The following USP47 variants were observed in gnomAD, a reference collection of about 807,000 sequenced individuals.
USP47 encodes ubiquitin carboxyl-terminal hydrolase 47.
USP47 carries 35 observed loss-of-function variants against 165.1 expected under a neutral mutation model. The observed-to-expected ratio is 0.21, with a 90% confidence interval of 0.16 to 0.28. The LOEUF is 0.28. Ranked by LOEUF, USP47 falls within the 10% of genes least tolerant of loss-of-function variation. USP47 has a pLI of 1.00. For synonymous variants in USP47, 531 were observed against 544.5 expected, an observed-to-expected ratio of 0.98 and a Z score of 0.35; for missense variants, 1,277 against 1,607.4, an observed-to-expected ratio of 0.79 and a Z score of 3.52.
At position 11,903,255 on chromosome 11, in the gene USP47, TAAAAC is replaced by T. The variant is rs1247399115; in HGVS notation, c.740-6_740-2del. The T allele has an allele frequency of 6.2e-7, 1 of 1,606,576 alleles. No individual in the cohort carries two copies. The highest frequency in any genetic ancestry group is 1.3e-5 in the African/African-American group (1 of 74,740). ...AGCTATTTCTAATTGAATTTTATCT[TAAAAC>T]AGCTTGGCAGCAGCATGATGTACAA... On this transcript the variant is annotated splice_region_variant and splice_polypyrimidine_tract_variant and intron_variant, in intron 6 of 27. Coordinates refer to ENST00000527733, the MANE Select transcript of USP47 (RefSeq NM_001282659.2).
chr11:11,948,473 T>C lies in USP47; in HGVS notation c.3268-5T>C, dbSNP rs896874337. On this transcript the variant is annotated splice_polypyrimidine_tract_variant and splice_region_variant and intron_variant, in intron 21 of 27. Coordinates refer to ENST00000527733, the MANE Select transcript of USP47 (RefSeq NM_001282659.2). The stretch of plus-strand genomic sequence containing the variant: ...CATGTCTAAAAAAATGTTTTTAACT[T>C]ATAGATTACAATTAGACTGGGGAGA... 145 of 1,608,696 alleles carry C rather than the reference T, an allele frequency of 9.0e-5. No individual in the cohort carries two copies. Among genetic ancestry groups the C allele is most frequent in the Non-Finnish European group, 1.1e-4 (132 of 1,175,750 alleles).
chr11:11,868,298 C>T (rs1180404990), intron 1 of USP47, among the ~76,000 whole-genome samples: 3 of 152,218 alleles, frequency 2.0e-5, no homozygotes, highest in Non-Finnish European at 4.4e-5. Flanking sequence ...CTTTCACTCC[C>T]TATTCCCTCT....
Position 11,961,208 on chromosome 11 carries a change from A to G in USP47, c.*5033A>G, listed in dbSNP as rs1474979044. ...TGTGATTATTTACCTGACAGGGCAA[A>G]AGAGATTTTGCAGATGCAATTAAGG... On this transcript the variant is annotated 3_prime_UTR_variant, in exon 28 of 28. Coordinates refer to ENST00000527733, the MANE Select transcript of USP47 (RefSeq NM_001282659.2). Among the ~76,000 whole-genome samples, 1 of 152,144 alleles carries G rather than the reference A, an allele frequency of 6.6e-6. No homozygotes were observed. Among genetic ancestry groups the G allele is most frequent in the Non-Finnish European group, 1.5e-5 (1 of 68,030 alleles).
At chr11:11,949,157 C>T (rs1856054077) in intron 22 of USP47, 1 of 152,332 alleles carries the variant, frequency 6.6e-6, no homozygotes, top group African/African-American at 2.4e-5. Context: ...GTCAAGGTCA[C>T]TGCTTGTAAA....
chr11:11,953,959 G>A (rs1856390809), intron 25 of USP47, among the ~76,000 whole-genome samples: 1 of 152,068 alleles, frequency 6.6e-6, no homozygotes, highest in South Asian at 2.1e-4. Context: ...ATCTGTAGAA[G>A]TATTTGCAGG....
chr11:11,901,354 A>T (rs1564871339), intron 5 of USP47, among the ~76,000 whole-genome samples: 1 of 152,254 alleles, frequency 6.6e-6, no homozygotes, highest in Non-Finnish European at 1.5e-5. Context: ...CTAACTTAAG[A>T]TGTAAAATAA....
chr11:11,951,506 AG>A (rs900446155), intron 24 of USP47: 1 of 152,176 alleles, frequency 6.6e-6, no homozygotes, highest in Admixed American at 6.6e-5. Context: ...GGCTTATAGG[AG>A]GAAAGTTGGC....
At chr11:11,890,050 C>G (rs912637600) in intron 3 of USP47, among the ~76,000 whole-genome samples, 2 of 152,090 alleles carry the variant, frequency 1.3e-5, no homozygotes, top group Admixed American at 1.3e-4. Context: ...CAAAAATTAA[C>G]TTAAGACAGA....
intron 1 of USP47, among the ~76,000 whole-genome samples, chr11:11,844,884 A>G (rs1848340984): frequency 6.6e-6 from 1 of 152,146 alleles, no homozygotes; most frequent in Non-Finnish European, 1.5e-5. Flanking sequence ...ATGTACCTTT[A>G]GAGGACTCTT....
intron 11 of USP47, among the ~76,000 whole-genome samples, chr11:11,926,949 C>T (rs1344862904): frequency 9.2e-6 from 1 of 108,416 alleles, no homozygotes; most frequent in Non-Finnish European, 2.4e-5. Flanking sequence ...TCTTCTTTGA[C>T]CCATTGGTTG....
At chr11:11,864,967 G>C (rs973195820) in intron 1 of USP47, among the ~76,000 whole-genome samples, 19 of 151,960 alleles carry the variant, frequency 1.3e-4, no homozygotes, top group Non-Finnish European at 2.2e-4. Flanking sequence ...TTGAAGTGTT[G>C]TGCCACTTCC....
chr11:11,940,492 C>T lies in USP47; in HGVS notation c.2257C>T (p.Leu753Phe). ...VLERCYNDLR[L>F]LSVSSKTLKA... ...GGAACGCTGCTACAATGATTTGCGT[C>T]TTCTCAGTGTCTCCAGTAAAACCCT... Residue 753 changes from leucine (L) to phenylalanine (F), a missense_variant, in exon 19 of 28, where the codon CTT (leucine) becomes TTT (phenylalanine). Physicochemically the swap from Leu to Phe is conservative, Grantham distance 22 (BLOSUM62 0). This residue lies in a region of USP47 where 909 missense variants were observed against 1,068.1 expected (regional missense o/e 0.85). Coordinates refer to ENST00000527733, the MANE Select transcript of USP47 (RefSeq NM_001282659.2). 1.2e-6 allele frequency: 2 copies of T among 1,611,954 alleles called. No individual in the cohort carries two copies. The highest frequency in any genetic ancestry group is 8.5e-7 in the Non-Finnish European group (1 of 1,178,598).
At chr11:11,949,209 G>A (rs969011396) in intron 22 of USP47, 2 of 151,848 alleles carry the variant, frequency 1.3e-5, no homozygotes, top group African/African-American at 4.8e-5. Flanking sequence ...TTTTTTAAGG[G>A]GTCAATAAAA....
At position 11,936,456 on chromosome 11, in the gene USP47, C is replaced by A; in HGVS notation, c.2023C>A (p.Leu675Met). Residue 675 changes from leucine to methionine, a missense_variant, in exon 17 of 28, where the codon CTG (leucine) becomes ATG (methionine). Around this residue, in one of 4 missense-constraint regions of USP47, gnomAD observed 909 missense variants for 1,068.1 expected, o/e 0.85. Coordinates refer to ENST00000527733, the MANE Select transcript of USP47 (RefSeq NM_001282659.2). ...CGTCAAGTCAACATATATGTTTGAT[C>A]TGCTGTTGGAGACGAGAAAGCCTGA... ...GGVKSTYMFDLLLETRKPDQV... is the reference protein window; with the variant it reads ...GGVKSTYMFDMLLETRKPDQV... 23 of 1,607,978 alleles carry A rather than the reference C, an allele frequency of 1.4e-5. No homozygotes were observed. Among genetic ancestry groups the A allele is most frequent in the Non-Finnish European group, 2.0e-5 (23 of 1,175,960 alleles).
In USP47 at chr11:11,842,182, A is replaced by G; in HGVS notation, c.-4A>G. The G allele has an allele frequency of 6.4e-7, 1 of 1,553,364 alleles. No homozygotes were observed. Among genetic ancestry groups the G allele is most frequent in the Non-Finnish European group, 8.7e-7 (1 of 1,147,538 alleles). ...AGGGCGGAGAGGAGCGGCCGGAGTC[A>G]GCGATGGTGCCCGGCGAGGAGAACC... On this transcript the variant is annotated 5_prime_UTR_variant, in exon 1 of 28. Coordinates refer to ENST00000527733, the MANE Select transcript of USP47 (RefSeq NM_001282659.2).
intron 19 of USP47, among the ~76,000 whole-genome samples, chr11:11,941,603 A>G (rs1484068046): frequency 6.6e-6 from 1 of 152,066 alleles, no homozygotes; most frequent in East Asian, 1.9e-4. Flanking sequence ...ATCTCGTTTC[A>G]TCTATAATTT....
intron 20 of USP47, among the ~76,000 whole-genome samples, chr11:11,947,554 T>C (rs1024908334): frequency 1.3e-5 from 2 of 152,170 alleles, no homozygotes; most frequent in African/African-American, 2.4e-5. Context: ...AGTGAGGAAA[T>C]GGAGGTACGG....
chr11:11,952,771 T>C lies in USP47; in HGVS notation c.3614T>C (p.Leu1205Pro). 1 of 1,612,186 alleles carries C rather than the reference T, an allele frequency of 6.2e-7. No individual in the cohort carries two copies. The highest frequency in any genetic ancestry group is 8.5e-7 in the Non-Finnish European group (1 of 1,178,956). ...GAGAAGATGAAGTCCATGTCACAGC[T>C]TGCAGTTTTGTCAAGACGGTGGAAG... The part of the protein sequence containing the change: ...GVEKMKSMSQ[L>P]AVLSRRWKPS... Residue 1205 changes from leucine to proline, a missense_variant, in exon 25 of 28, where the codon CTT becomes CCT. This residue lies in a region of USP47 where 909 missense variants were observed against 1,068.1 expected (regional missense o/e 0.85). Transcript: ENST00000527733.
At chr11:11,905,753 A>G (rs1247739492) in intron 8 of USP47, among the ~76,000 whole-genome samples, 1 of 152,100 alleles carries the variant, frequency 6.6e-6, no homozygotes, top group East Asian at 1.9e-4. Context: ...GAGAAAGTGA[A>G]TGCAAATGTA....
Sources: gnomAD v4.1 joint callset for allele counts (sites outside exome capture counted in the v4.1 genomes callset) on GRCh38, gnomAD v4.1.1 for gene constraint, gnomAD v4.1.1 regional missense constraint, MANE v1.5 for transcripts, NCBI Gene and HGNC (gene_info 2026-07-23, HGNC 2026-07-21) for gene names.